Variants in CPVL observed in about 807,000 individuals in gnomAD.
CPVL encodes the protein probable serine carboxypeptidase CPVL.
Under a neutral mutation model 63.7 loss-of-function variants are expected in CPVL, and 51 were observed. The ratio of observed to expected loss-of-function variants is 0.80; its 90% CI spans 0.64 to 1.01. CPVL has a LOEUF of 1.01. Ranked by LOEUF, CPVL falls within the 50% of genes least tolerant of loss-of-function variation. The pLI is 0.00. For synonymous variants in CPVL, 195 were observed against 206.0 expected, an observed-to-expected ratio of 0.95 and a Z score of 0.46; for missense variants, 530 against 573.1, an observed-to-expected ratio of 0.92 and a Z score of 0.77.
chr7:29,142,528 C>CTTTTTTT (rs10663904), intron 1 of CPVL, among the ~76,000 whole-genome samples: 2 of 127,608 alleles, frequency 1.6e-5, no homozygotes, highest in African/African-American at 3.0e-5. Flanking sequence ...CTTCCAGATA[C>CTTTTTTT]TTTTTTTTTT....
At chr7:29,000,384 T>C (rs1406475161) in intron 12 of CPVL, among the ~76,000 whole-genome samples, 2 of 149,662 alleles carry the variant, frequency 1.3e-5, no homozygotes, top group Non-Finnish European at 3.0e-5. Context: ...GGTGGAGGGA[T>C]CACCGCAGAC....
intron 5 of CPVL, among the ~76,000 whole-genome samples, chr7:29,175,896 A>G (rs926367378): frequency 3.3e-5 from 5 of 152,188 alleles, no homozygotes; most frequent in African/African-American, 1.2e-4. Flanking sequence ...CATAATTGAA[A>G]AAAAGACCAG....
chr7:29,178,480 C>G (rs1443525293), intron 5 of CPVL, among the ~76,000 whole-genome samples: 1 of 152,150 alleles, frequency 6.6e-6, no homozygotes, highest in Admixed American at 6.5e-5. Flanking sequence ...TTTAAATCTG[C>G]TGTTCCCTCC....
chr7:29,124,246 C>G (rs945934677), intron 1 of CPVL, among the ~76,000 whole-genome samples: 2 of 152,118 alleles, frequency 1.3e-5, no homozygotes, highest in African/African-American at 4.8e-5. Context: ...TTATACTAGA[C>G]AGAGGATATC....
At chr7:29,007,935 A>G (rs1433800721) in intron 12 of CPVL, among the ~76,000 whole-genome samples, 3 of 152,264 alleles carry the variant, frequency 2.0e-5, no homozygotes, top group African/African-American at 4.8e-5. Flanking sequence ...GGAACTTAGC[A>G]TCGAGTAGAG....
At chr7:29,132,248 C>G (rs1429409448) in intron 1 of CPVL, among the ~76,000 whole-genome samples, 1 of 152,060 alleles carries the variant, frequency 6.6e-6, no homozygotes, top group Non-Finnish European at 1.5e-5. Context: ...CAGATGGAAG[C>G]CCATGGTGGG....
chr7:29,025,732 TA>T (rs1170474761), intron 12 of CPVL, among the ~76,000 whole-genome samples: 1 of 152,078 alleles, frequency 6.6e-6, no homozygotes, highest in Non-Finnish European at 1.5e-5. Context: ...ATAAAAATTG[TA>T]AAAAAAAGTT....
intron 1 of CPVL, among the ~76,000 whole-genome samples, chr7:29,130,335 G>A (rs1033992538): frequency 6.6e-6 from 1 of 152,190 alleles, no homozygotes; most frequent in Admixed American, 6.5e-5. Flanking sequence ...CATTATGCAA[G>A]CCAGGATTTC....
chr7:29,190,344 T>C (rs1782730989), intron 1 of CPVL, among the ~76,000 whole-genome samples: 1 of 152,142 alleles, frequency 6.6e-6, no homozygotes, highest in Admixed American at 6.5e-5. Context: ...GGATTAATCT[T>C]GAAAGTAAGG....
intron 5 of CPVL, among the ~76,000 whole-genome samples, chr7:29,163,673 A>C (rs142530972): frequency 1.1e-4 from 16 of 152,266 alleles, no homozygotes; most frequent in African/African-American, 3.9e-4. Context: ...AAACATTCTC[A>C]TTGCCCCCAA....
At chr7:29,123,128 C>T (rs943790298) in intron 1 of CPVL, among the ~76,000 whole-genome samples, 1 of 152,082 alleles carries the variant, frequency 6.6e-6, no homozygotes, top group Non-Finnish European at 1.5e-5. Flanking sequence ...AAATGCCAAG[C>T]CATTAGAACA....
chr7:29,090,489 G>A (rs983928251), intron 6 of CPVL, among the ~76,000 whole-genome samples: 1 of 152,194 alleles, frequency 6.6e-6, no homozygotes, highest in Non-Finnish European at 1.5e-5. Context: ...GAAAACTATA[G>A]CAGCACTTCC....
At chr7:29,143,437 A>G (rs1323317219) in intron 1 of CPVL, among the ~76,000 whole-genome samples, 1 of 152,198 alleles carries the variant, frequency 6.6e-6, no homozygotes, top group Admixed American at 6.5e-5. Flanking sequence ...GAAAGTTTAA[A>G]CCTTTTCATA....
At chr7:29,057,257 A>C (rs1403784009) in intron 11 of CPVL, among the ~76,000 whole-genome samples, 2 of 152,168 alleles carry the variant, frequency 1.3e-5, no homozygotes, top group Non-Finnish European at 2.9e-5. Context: ...GCAACCAGCC[A>C]ACATCTTTTC....
chr7:29,133,596 TG>T (rs1392295097), intron 1 of CPVL, among the ~76,000 whole-genome samples: 3 of 152,226 alleles, frequency 2.0e-5, no homozygotes, highest in African/African-American at 7.2e-5. Context: ...CATGGGTATA[TG>T]AAACTCAACA....
chr7:29,189,162 G>T (rs1156567609), intron 1 of CPVL, among the ~76,000 whole-genome samples: 1 of 151,904 alleles, frequency 6.6e-6, no homozygotes, highest in Admixed American at 6.6e-5. Context: ...TGTTGGCCAG[G>T]CTGGTCTCGA....
At chr7:29,146,594 C>A, upstream of CPVL, 6 of 1,550,206 alleles carry the variant, frequency 3.9e-6, no homozygotes, top group Non-Finnish European at 5.2e-6. Context: ...ATGACCCAGA[C>A]CCACAGGGCA....
At chr7:29,123,597 G>GAAAAAAA (rs778757980) in intron 1 of CPVL, among the ~76,000 whole-genome samples, 3 of 41,262 alleles carry the variant, frequency 7.3e-5, no homozygotes, top group Non-Finnish European at 1.4e-4. Context: ...AACTGGTTCA[G>GAAAAAAA]AAAAAAAAAA....
At chr7:29,016,350 CA>C (rs781649021) in intron 12 of CPVL, among the ~76,000 whole-genome samples, 486 of 126,440 alleles carry the variant, frequency 3.8e-3, no homozygotes, top group Admixed American at 3.0e-3. Flanking sequence ...GACTCCATAT[CA>C]AAAAAAAAAA....
Sources: allele counts gnomAD v4.1 joint callset (sites outside exome capture counted in the v4.1 genomes callset), GRCh38; gene constraint gnomAD v4.1.1; transcripts MANE v1.5; gene names NCBI Gene and HGNC (gene_info 2026-07-23, HGNC 2026-07-21).